CERS6: variants seen among roughly 807,000 people sequenced by gnomAD.
CERS6 encodes ceramide synthase 6.
Under a neutral mutation model 56.8 loss-of-function variants are expected in CERS6, and 26 were observed. The ratio of observed to expected loss-of-function variants is 0.46; its 90% confidence interval spans 0.34 to 0.63. The LOEUF is 0.63. Among genes scored for constraint, CERS6 ranks in the 30% least tolerant of loss-of-function variants. The probability of loss-of-function intolerance (pLI) is 0.01; values close to 1 mark genes in which losing one functional copy is unlikely to be tolerated. For missense variants in CERS6, 415 were observed against 467.5 expected (o/e 0.89, Z 1.04); for synonymous variants, 164 against 173.3 (o/e 0.95, Z 0.42).
In CERS6 at chr2:168,745,454, G is replaced by A. The variant is rs369435436; in HGVS notation, c.846-20138G>A. ...GACGGGGTTTCACCGTGTTAGCCAGGATGGTCTTGATCTCCTGACCTTGTG... is the reference window on the plus strand; with the variant it reads ...GACGGGGTTTCACCGTGTTAGCCAGAATGGTCTTGATCTCCTGACCTTGTG... On this transcript the variant is annotated intron_variant, in intron 8 of 9. Coordinates refer to ENST00000305747, the MANE Select transcript of CERS6 (RefSeq NM_203463.3). Among the ~76,000 whole-genome samples the A allele has an allele frequency of 1.2e-4, 19 of 152,210 alleles. 1 individual carries two copies. The highest frequency in any genetic ancestry group is 6.5e-4 in the Admixed American group (10 of 15,294).
intron 8 of CERS6, among the ~76,000 whole-genome samples, chr2:168,721,569 T>TAAAACAAA: frequency 7.6e-6 from 1 of 130,788 alleles, no homozygotes; most frequent in South Asian, 2.7e-4. Context: ...TTTTTTTGTT[T>TAAAACAAA]AAAAAAAACC....
chr2:168,522,143 GT>G (rs1354522491), intron 1 of CERS6, among the ~76,000 whole-genome samples: 8 of 152,154 alleles, frequency 5.3e-5, no homozygotes, highest in African/African-American at 1.9e-4. Flanking sequence ...TCTGGATATA[GT>G]TTTATAGCAT....
intron 1 of CERS6, among the ~76,000 whole-genome samples, chr2:168,469,421 A>G (rs1014739439): frequency 1.3e-5 from 2 of 152,232 alleles, no homozygotes; most frequent in African/African-American, 4.8e-5. Context: ...AAGTAAGGCA[A>G]AGATGAAACC....
chr2:168,765,635 C>T lies in CERS6; in HGVS notation c.889C>T (p.Pro297Ser), dbSNP rs1684711024. The T allele has an allele frequency of 6.2e-7, 1 of 1,613,986 alleles. No individual in the cohort carries two copies. The highest frequency in any genetic ancestry group is 1.3e-5 in the African/African-American group (1 of 74,924). ...ATTTGAAAGCTGGGAGATCGTTGGA[C>T]CTTACCCTTCCTGGTGGGTTTTTAA... is the stretch of plus-strand genomic sequence containing the variant. The part of the protein sequence containing the change: ...TLFESWEIVG[P>S]YPSWWVFNLL... The change falls in exon 9 of 10, where the codon CCT (proline) becomes TCT (serine). Residue 297 changes from proline (P) to serine (S), a missense_variant. By Grantham distance (74) the Pro-to-Ser change is moderately conservative. Coordinates refer to ENST00000305747, the MANE Select transcript of CERS6 (RefSeq NM_203463.3).
rs192327754 is a variant in CERS6, at chr2:168,682,685, G to C, written c.466-8349G>C. ...GTTAATACTACAACTCTCACAATGG[G>C]GGGTGGGAGTTGGTGGATAAATGCT... is the stretch of plus-strand genomic sequence containing the variant. On this transcript the variant is annotated intron_variant, in intron 4 of 9. Transcript: ENST00000305747. Among the ~76,000 whole-genome samples the C allele has an allele frequency of 2.6e-3, 390 of 152,218 alleles. 2 individuals are homozygous for C. Among genetic ancestry groups the C allele is most frequent in the Non-Finnish European group, 4.0e-3 (269 of 68,002 alleles).
At chr2:168,610,392 A>C (rs1574098755) in intron 3 of CERS6, among the ~76,000 whole-genome samples, 2 of 152,188 alleles carry the variant, frequency 1.3e-5, no homozygotes, top group East Asian at 3.9e-4. Flanking sequence ...ACTTTGACTT[A>C]ATTCATATTT....
chr2:168,617,854 A>G (rs959002231), intron 3 of CERS6, among the ~76,000 whole-genome samples: 1 of 152,224 alleles, frequency 6.6e-6, no homozygotes, highest in African/African-American at 2.4e-5. Context: ...AAGGTAGAGA[A>G]AGAAGGAATT....
intron 1 of CERS6, among the ~76,000 whole-genome samples, chr2:168,511,918 A>G (rs1485974305): frequency 6.6e-6 from 1 of 150,646 alleles, no homozygotes; most frequent in Non-Finnish European, 1.5e-5. Context: ...ACAAAATGTG[A>G]GACATACATA....
At chr2:168,543,479 C>T (rs1447797030) in intron 1 of CERS6, among the ~76,000 whole-genome samples, 1 of 131,790 alleles carries the variant, frequency 7.6e-6, no homozygotes, top group Non-Finnish European at 1.6e-5. Flanking sequence ...AAAAAAAATC[C>T]AGTTTTTTAC....
chr2:168,673,159 T>C (rs754165730), intron 4 of CERS6, among the ~76,000 whole-genome samples: 1 of 152,224 alleles, frequency 6.6e-6, no homozygotes, highest in Non-Finnish European at 1.5e-5. Flanking sequence ...CAAATTTTCA[T>C]CAGTGTTTAA....
chr2:168,714,883 T>C, intron 6 of CERS6, 118 bp from the exon 7 acceptor site: 1 of 837,994 alleles, frequency 1.2e-6, no homozygotes, highest in Non-Finnish European at 1.8e-6. Context: ...TCATACCTTA[T>C]TCATCCTCAG....
At chr2:168,606,512 A>G (rs1038547943) in intron 3 of CERS6, 6 of 151,932 alleles carry the variant, frequency 3.9e-5, no homozygotes, top group African/African-American at 1.5e-4. Flanking sequence ...GTTGTTTTTT[A>G]TTTTACAGGC....
At chr2:168,736,041 C>A (rs1014556603) in intron 8 of CERS6, among the ~76,000 whole-genome samples, 10 of 151,986 alleles carry the variant, frequency 6.6e-5, no homozygotes, top group African/African-American at 2.4e-4. Flanking sequence ...CCCCATGACC[C>A]CATCTCTATG....
intron 4 of CERS6, among the ~76,000 whole-genome samples, chr2:168,688,893 G>C (rs775266476): frequency 6.6e-6 from 1 of 152,176 alleles, no homozygotes; most frequent in Non-Finnish European, 1.5e-5. Flanking sequence ...ATGCACATCT[G>C]ATGCACACAG....
intron 3 of CERS6, among the ~76,000 whole-genome samples, chr2:168,596,554 C>CTTTT: frequency 7.5e-6 from 1 of 134,080 alleles, no homozygotes. Flanking sequence ...CATCCCCCCC[C>CTTTT]CTTTTTTTTT....
At chr2:168,547,435 G>A (rs1025359285) in intron 1 of CERS6, among the ~76,000 whole-genome samples, 161 bp from the exon 2 acceptor site, 4 of 149,978 alleles carry the variant, frequency 2.7e-5, no homozygotes, top group African/African-American at 9.8e-5. Context: ...AAACGGTTAA[G>A]TCTGCCTTAC....
At chr2:168,631,675 ATATTTATATT>A (rs1684739864) in intron 4 of CERS6, among the ~76,000 whole-genome samples, 1 of 71,000 alleles carries the variant, frequency 1.4e-5, no homozygotes, top group African/African-American at 5.1e-5. Context: ...TTTTATATTT[ATATTTATATT>A]TATATATATT....
chr2:168,558,036 A>G (rs1178904286), intron 2 of CERS6, among the ~76,000 whole-genome samples: 2 of 152,204 alleles, frequency 1.3e-5, no homozygotes, highest in Non-Finnish European at 2.9e-5. Flanking sequence ...AACACATGAT[A>G]AAATGCTTCT....
At chr2:168,641,366 C>T (rs905958088) in intron 4 of CERS6, among the ~76,000 whole-genome samples, 2 of 152,112 alleles carry the variant, frequency 1.3e-5, no homozygotes, top group Admixed American at 1.3e-4. Context: ...AACAAAGTCC[C>T]CAGCTTTTCC....
Sources: allele counts gnomAD v4.1 joint callset (sites outside exome capture counted in the v4.1 genomes callset), GRCh38; gene constraint gnomAD v4.1.1; transcripts MANE v1.5; gene names NCBI Gene and HGNC (gene_info 2026-07-23, HGNC 2026-07-21).